Variants in UVRAG observed in about 807,000 individuals in gnomAD.
UVRAG encodes the protein UV radiation resistance-associated gene protein.
Under a neutral mutation model 78.0 loss-of-function variants are expected in UVRAG, and 19 were observed. The observed-to-expected ratio is 0.24, with a 90% confidence interval of 0.17 to 0.36. UVRAG has a LOEUF of 0.36. UVRAG is among the 10% of genes least tolerant of loss of function. The pLI is 1.00. For synonymous variants in UVRAG, 323 were observed against 324.6 expected (o/e 1.00, Z 0.05); for missense variants, 740 against 853.8 (o/e 0.87, Z 1.66).
At chr11:75,983,255 CAA>C (rs1949428769) in intron 7 of UVRAG, 130 bp from the exon 8 acceptor site, 1 of 765,490 alleles carries the variant, frequency 1.3e-6, no homozygotes, top group Non-Finnish European at 1.9e-6. Flanking sequence ...TTAAGTTACT[CAA>C]GAGTTCCATA....
At chr11:76,136,537 C>G (rs929637625) in intron 14 of UVRAG, among the ~76,000 whole-genome samples, 4 of 142,872 alleles carry the variant, frequency 2.8e-5, no homozygotes, top group African/African-American at 1.0e-4. Context: ...GAGACAGGGT[C>G]TTGCTCTGTC....
intron 8 of UVRAG, among the ~76,000 whole-genome samples, chr11:75,995,117 C>T (rs1334246304): frequency 1.3e-5 from 2 of 150,736 alleles, no homozygotes; most frequent in Non-Finnish European, 1.5e-5. Flanking sequence ...TAATGCCTCT[C>T]TTTATTATTG....
intron 3 of UVRAG, among the ~76,000 whole-genome samples, chr11:75,876,443 T>C (rs1474807159): frequency 6.6e-6 from 1 of 152,108 alleles, no homozygotes; most frequent in Admixed American, 6.5e-5. Flanking sequence ...CCAGACCTTA[T>C]TGTTGTCTTC....
At chr11:75,932,790 A>G (rs1948271364) in intron 6 of UVRAG, among the ~76,000 whole-genome samples, 1 of 152,240 alleles carries the variant, frequency 6.6e-6, no homozygotes, top group Non-Finnish European at 1.5e-5. Flanking sequence ...ATATCTAGGA[A>G]TTAACTAAAG....
intron 5 of UVRAG, chr11:75,892,345 G>A: frequency 1.0e-6 from 1 of 985,474 alleles, no homozygotes; most frequent in Non-Finnish European, 1.2e-6. Context: ...TTTCTCCTGA[G>A]AAATGGAGTG....
At chr11:75,952,445 G>GT (rs796146395) in intron 6 of UVRAG, among the ~76,000 whole-genome samples, 2,992 of 146,822 alleles carry the variant, frequency 0.02, 80 homozygotes, top group African/African-American at 0.065. Context: ...TTTGTTGAGG[G>GT]TTTTTTTTTT....
intron 6 of UVRAG, among the ~76,000 whole-genome samples, chr11:75,926,039 GT>G (rs1190695606): frequency 2.8e-4 from 41 of 145,762 alleles, no homozygotes; most frequent in Admixed American, 4.1e-4. Flanking sequence ...CCCAGTAAAA[GT>G]TTTTTTTTTT....
chr11:76,000,173 C>G (rs957330562), intron 8 of UVRAG, among the ~76,000 whole-genome samples: 5 of 152,108 alleles, frequency 3.3e-5, no homozygotes, highest in Non-Finnish European at 7.4e-5. Flanking sequence ...AGATTTTAAT[C>G]ATAACAATGT....
chr11:75,896,276 A>G (rs1207813388), intron 5 of UVRAG, among the ~76,000 whole-genome samples: 1 of 152,168 alleles, frequency 6.6e-6, no homozygotes, highest in South Asian at 2.1e-4. Context: ...TTTAACCGCT[A>G]TGATGGTGAT....
chr11:76,011,324 C>G (rs961665035), intron 11 of UVRAG, among the ~76,000 whole-genome samples: 4 of 152,164 alleles, frequency 2.6e-5, no homozygotes, highest in Non-Finnish European at 5.9e-5. Context: ...TAATATTGGA[C>G]TTTAAAAATC....
chr11:75,865,242 G>A (rs1420466729), intron 3 of UVRAG, among the ~76,000 whole-genome samples: 4 of 145,490 alleles, frequency 2.7e-5, no homozygotes, highest in Admixed American at 6.9e-5. Context: ...AGCCGAGATC[G>A]TGCTGTTGCA....
chr11:75,942,168 A>G (rs1050038103), intron 6 of UVRAG: 1 of 152,842 alleles, frequency 6.5e-6, no homozygotes, highest in African/African-American at 2.4e-5. Context: ...GTAAACTTCA[A>G]TCCCATCTTA....
intron 13 of UVRAG, among the ~76,000 whole-genome samples, chr11:76,066,114 C>T (rs772740647): frequency 2.0e-5 from 3 of 152,096 alleles, no homozygotes; most frequent in Non-Finnish European, 4.4e-5. Flanking sequence ...TTGTAATTTT[C>T]TTAGACTATT....
At chr11:75,861,275 G>C (rs1350198479) in intron 2 of UVRAG, among the ~76,000 whole-genome samples, 1 of 152,196 alleles carries the variant, frequency 6.6e-6, no homozygotes. Context: ...TCACCCGGTT[G>C]CTAGTGTTTT....
chr11:75,828,719 A>ATGTG (rs1450297854), intron 1 of UVRAG, among the ~76,000 whole-genome samples: 4 of 129,488 alleles, frequency 3.1e-5, no homozygotes, highest in African/African-American at 1.4e-4. Context: ...ATGTGTATAT[A>ATGTG]TATGTGTGTG....
At chr11:75,888,927 T>C (rs774277802) in intron 5 of UVRAG, 24 bp downstream of exon 5, 12 of 1,605,142 alleles carry the variant, frequency 7.5e-6, no homozygotes, top group East Asian at 6.7e-5. Context: ...TCTAATGTTA[T>C]GAATTTTGTT....
At chr11:76,108,127 A>G (rs1024306877) in intron 13 of UVRAG, among the ~76,000 whole-genome samples, 2 of 152,120 alleles carry the variant, frequency 1.3e-5, no homozygotes, top group Non-Finnish European at 2.9e-5. Flanking sequence ...CAGGCCACAT[A>G]TGGAACTAAT....
Position 76,075,452 on chromosome 11 carries a change from A to G in UVRAG, c.1305+9664A>G, listed in dbSNP as rs571204440. 1.7e-3 allele frequency among the ~76,000 whole-genome samples: 256 copies of G among 152,208 alleles called. 3 individuals are homozygous for G. Among genetic ancestry groups the G allele is most frequent in the African/African-American group, 6.0e-3 (251 of 41,526 alleles). On this transcript the variant is annotated intron_variant, in intron 13 of 14. Coordinates refer to ENST00000356136, the MANE Select transcript of UVRAG (RefSeq NM_003369.4). ...ATGGTGAAACCCTGTCTCTACTAAA[A>G]AAATACAAAAATTAGCCGGGCAGGG...
At chr11:75,958,067 A>G (rs1410732076) in intron 6 of UVRAG, among the ~76,000 whole-genome samples, 1 of 152,338 alleles carries the variant, frequency 6.6e-6, no homozygotes, top group East Asian at 1.9e-4. Flanking sequence ...CTTCATTGCT[A>G]AAAAATGCTA....
Sources: allele counts gnomAD v4.1 joint callset (sites outside exome capture counted in the v4.1 genomes callset), GRCh38; gene constraint gnomAD v4.1.1; transcripts MANE v1.5; gene names NCBI Gene and HGNC (gene_info 2026-07-23, HGNC 2026-07-21).